CSMD1: variants seen among roughly 807,000 people sequenced by gnomAD.
CSMD1 encodes the protein CUB and Sushi multiple domains 1.
Under a neutral mutation model 417.5 loss-of-function variants are expected in CSMD1, and 213 were observed. That is an observed-to-expected ratio of 0.51 (90% CI 0.46 to 0.57). The LOEUF (loss-of-function observed/expected upper bound fraction) is 0.57. CSMD1 is among the 20% of genes least tolerant of loss of function. CSMD1 has a pLI of 0.00. For synonymous variants in CSMD1, 2,862 were observed against 1,736.8 expected, an observed-to-expected ratio of 1.65 and a Z score of -16.11; for missense variants, 6,923 against 4,529.7, an observed-to-expected ratio of 1.53 and a Z score of -15.17.
At chr8:4,952,019 T>C (rs986291561) in intron 1 of CSMD1, among the ~76,000 whole-genome samples, 3 of 151,220 alleles carry the variant, frequency 2.0e-5, no homozygotes, top group African/African-American at 2.4e-5. Flanking sequence ...ATATATATAA[T>C]ATAGAAATAC....
At position 3,534,464 on chromosome 8, in the gene CSMD1, T is replaced by C. The variant is rs142292207; in HGVS notation, c.1344+40481A>G. Among the ~76,000 whole-genome samples, 1,154 of 150,340 alleles carry C rather than the reference T, an allele frequency of 7.7e-3. 8 individuals are homozygous for C. Among genetic ancestry groups the C allele is most frequent in the Non-Finnish European group, 0.011 (733 of 67,866 alleles). On this transcript the variant is annotated intron_variant, in intron 10 of 69. Coordinates refer to ENST00000635120, the MANE Select transcript of CSMD1 (RefSeq NM_033225.6). ...TATCAGCATGTGAGGATCACACTTA[T>C]GACACCCTCTCTCATGCTCAGCGAT...
intron 3 of CSMD1, among the ~76,000 whole-genome samples, chr8:4,344,040 G>C (rs541263716): frequency 1.3e-5 from 2 of 152,234 alleles, no homozygotes; most frequent in South Asian, 2.1e-4. Context: ...TATACAAATA[G>C]GTGTGTGTAT....
chr8:4,416,840 T>A (rs1796968926), intron 3 of CSMD1, among the ~76,000 whole-genome samples: 1 of 152,076 alleles, frequency 6.6e-6, no homozygotes, highest in Admixed American at 6.6e-5. Context: ...CTTGAGATTT[T>A]GATAAAAGAA....
chr8:3,618,537 T>C (rs1802258482), intron 7 of CSMD1, among the ~76,000 whole-genome samples: 6 of 152,112 alleles, frequency 3.9e-5, no homozygotes, highest in Admixed American at 3.9e-4. Context: ...AATTCCAAAA[T>C]TTTATTTTCT....
intron 12 of CSMD1, among the ~76,000 whole-genome samples, chr8:3,416,201 C>G (rs1042933563): frequency 1.4e-5 from 2 of 146,550 alleles, no homozygotes; most frequent in Admixed American, 7.2e-5. Context: ...ACTCGGGAGG[C>G]TGAGGCAGGA....
At chr8:3,598,467 G>A (rs1380542062) in intron 8 of CSMD1, among the ~76,000 whole-genome samples, 4 of 152,072 alleles carry the variant, frequency 2.6e-5, no homozygotes, top group African/African-American at 4.8e-5. Context: ...TTCTGGGACC[G>A]ACCGCCCCAT....
intron 3 of CSMD1, among the ~76,000 whole-genome samples, chr8:4,391,877 C>T (rs1293611984): frequency 6.6e-6 from 1 of 152,182 alleles, no homozygotes; most frequent in Non-Finnish European, 1.5e-5. Flanking sequence ...GTATGTCCAC[C>T]AGCTTCTGCC....
At chr8:4,228,229 C>G (rs779012094) in intron 3 of CSMD1, among the ~76,000 whole-genome samples, 3 of 152,196 alleles carry the variant, frequency 2.0e-5, no homozygotes, top group Non-Finnish European at 2.9e-5. Flanking sequence ...ATTCCCTTCA[C>G]TGTAAAAATA....
At chr8:3,088,113 C>A (rs1814674364) in intron 48 of CSMD1, among the ~76,000 whole-genome samples, 1 of 152,194 alleles carries the variant, frequency 6.6e-6, no homozygotes, top group Non-Finnish European at 1.5e-5. Flanking sequence ...TAGCTTTAAT[C>A]ATCCCTCTTT....
At chr8:4,407,047 T>C (rs748529308) in intron 3 of CSMD1, among the ~76,000 whole-genome samples, 1 of 152,194 alleles carries the variant, frequency 6.6e-6, no homozygotes, top group Non-Finnish European at 1.5e-5. Flanking sequence ...TAAAGATTTA[T>C]TGAAACACGG....
chr8:3,841,977 T>C (rs545758246), intron 5 of CSMD1, among the ~76,000 whole-genome samples: 1 of 152,314 alleles, frequency 6.6e-6, no homozygotes, highest in African/African-American at 2.4e-5. Flanking sequence ...AGCAGTTTTT[T>C]TCCATCGTGT....
intron 1 of CSMD1, among the ~76,000 whole-genome samples, chr8:4,780,585 A>G (rs956469430): frequency 1.3e-5 from 2 of 150,480 alleles, no homozygotes; most frequent in African/African-American, 4.8e-5. Context: ...ATTTTTTTCC[A>G]TAAGTTATTG....
intron 1 of CSMD1, among the ~76,000 whole-genome samples, chr8:4,937,636 T>C (rs1807710139): frequency 6.6e-6 from 1 of 152,222 alleles, no homozygotes; most frequent in Admixed American, 6.5e-5. Context: ...GACGGAGGCA[T>C]CAAATAAAAG....
chr8:3,838,862 A>G (rs11988408), intron 5 of CSMD1, among the ~76,000 whole-genome samples: 46,460 of 114,786 alleles, frequency 0.4, 10,313 homozygotes, highest in East Asian at 0.61. Flanking sequence ...TATATATACT[A>G]TTAATTATAT....
intron 3 of CSMD1, among the ~76,000 whole-genome samples, chr8:4,129,271 G>A (rs774692887): frequency 3.3e-5 from 5 of 152,144 alleles, no homozygotes; most frequent in African/African-American, 4.8e-5. Context: ...CTTCAGATCT[G>A]CTGTCAACAA....
At chr8:3,915,021 G>A in intron 5 of CSMD1, among the ~76,000 whole-genome samples, 1 of 152,144 alleles carries the variant, frequency 6.6e-6, no homozygotes, top group East Asian at 1.9e-4. Flanking sequence ...TCAGGATGAG[G>A]AGATTCTACA....
intron 3 of CSMD1, among the ~76,000 whole-genome samples, chr8:4,151,876 C>T (rs760068012): frequency 5.9e-5 from 9 of 152,088 alleles, no homozygotes; most frequent in Non-Finnish European, 1.3e-4. Context: ...ATTGCAGGCA[C>T]ACATTAAATA....
intron 23 of CSMD1, among the ~76,000 whole-genome samples, chr8:3,312,020 A>G (rs1805389058): frequency 6.6e-6 from 1 of 152,230 alleles, no homozygotes; most frequent in Non-Finnish European, 1.5e-5. Context: ...TTTTAAAATT[A>G]GTTTAAGAAG....
At chr8:3,747,359 A>G (rs1040466636) in intron 6 of CSMD1, among the ~76,000 whole-genome samples, 1 of 149,198 alleles carries the variant, frequency 6.7e-6, no homozygotes, top group Admixed American at 6.7e-5. Context: ...TTTGGAAGAG[A>G]TTGTTCTGAT....
Sources: gnomAD v4.1 joint callset for allele counts (sites outside exome capture counted in the v4.1 genomes callset) on GRCh38, gnomAD v4.1.1 for gene constraint, MANE v1.5 for transcripts, NCBI Gene and HGNC (gene_info 2026-07-23, HGNC 2026-07-21) for gene names.